The following STAG1 variants were observed in gnomAD, a reference collection of about 807,000 sequenced individuals.
The protein encoded by STAG1 is cohesin subunit SA-1.
Under a neutral mutation model 170.9 loss-of-function variants are expected in STAG1, and 26 were observed. The ratio of observed to expected loss-of-function variants is 0.15; its 90% CI spans 0.11 to 0.21. The LOEUF (loss-of-function observed/expected upper bound fraction) is 0.21, where lower values mean the gene tolerates loss of function less well. Ranked by LOEUF, STAG1 falls within the 10% of genes least tolerant of loss-of-function variation. The probability of loss-of-function intolerance (pLI) is 1.00; values close to 1 mark genes in which losing one functional copy is unlikely to be tolerated. For synonymous variants in STAG1, 514 were observed against 497.7 expected (o/e 1.03, Z -0.44); for missense variants, 964 against 1,509.5 (o/e 0.64, Z 5.99).
chr3:136,383,954 CAAAAA>C (rs71304276), intron 22 of STAG1, among the ~76,000 whole-genome samples: 1 of 58,986 alleles, frequency 1.7e-5, no homozygotes. Flanking sequence ...GACTCCGTCT[CAAAAA>C]AAAAAAAAAA....
At chr3:136,660,799 C>A (rs1302247786) in intron 1 of STAG1, among the ~76,000 whole-genome samples, 2 of 151,588 alleles carry the variant, frequency 1.3e-5, no homozygotes, top group African/African-American at 4.8e-5. Context: ...GAGACCCAAT[C>A]TCTAAAAAAA....
rs2107729895 is a variant in STAG1, at chr3:136,422,486, A to G, written c.1961T>C (p.Val654Ala). 2 of 1,613,936 alleles carry G rather than the reference A, an allele frequency of 1.2e-6. No homozygotes were observed. The change falls in exon 19 of 34, where the codon GTT becomes GCT. Residue 654 changes from valine (V) to alanine (A), a missense_variant. Physicochemically the swap from Val to Ala is moderately conservative, Grantham distance 64. This residue lies in a region of STAG1 where 232 missense variants were observed against 313.0 expected (regional missense o/e 0.74). Coordinates refer to ENST00000383202, the MANE Select transcript of STAG1 (RefSeq NM_005862.3). ...CSEEYTIQNR[V>A]DIARSQLIDE... is the part of the protein sequence containing the mutation. ...AATCAGCTGGCTTCGAGCTATGTCAACTCTGTTCTGGATGGTATATTCTTC... is the reference window on the plus strand; with the variant it reads ...AATCAGCTGGCTTCGAGCTATGTCAGCTCTGTTCTGGATGGTATATTCTTC...
intron 14 of STAG1, among the ~76,000 whole-genome samples, chr3:136,446,788 T>C (rs772134198): frequency 1.5e-4 from 23 of 151,680 alleles, no homozygotes; most frequent in Middle Eastern, 3.4e-3. Flanking sequence ...TAATCTATAC[T>C]GTACCTTAAT....
intron 9 of STAG1, among the ~76,000 whole-genome samples, chr3:136,487,876 G>A (rs1253680260): frequency 6.6e-6 from 1 of 152,178 alleles, no homozygotes; most frequent in African/African-American, 2.4e-5. Flanking sequence ...ACTCTCTGGG[G>A]AAAGCCACCG....
intron 12 of STAG1, among the ~76,000 whole-genome samples, chr3:136,470,197 C>A (rs2089587979): frequency 6.6e-6 from 1 of 152,140 alleles, no homozygotes; most frequent in African/African-American, 2.4e-5. Context: ...AGTGAACAGG[C>A]AACCTACAGA....
chr3:136,706,395 G>A (rs1559962836), intron 1 of STAG1, among the ~76,000 whole-genome samples: 1 of 152,110 alleles, frequency 6.6e-6, no homozygotes, highest in Non-Finnish European at 1.5e-5. Flanking sequence ...CAAAGTTGCA[G>A]GGTATAAGAT....
At chr3:136,751,294 G>A (rs1935221971) in intron 1 of STAG1, among the ~76,000 whole-genome samples, 1 of 151,732 alleles carries the variant, frequency 6.6e-6, no homozygotes, top group Admixed American at 6.6e-5. Flanking sequence ...AATGTGGGTA[G>A]ATGGGGGTGA....
intron 6 of STAG1, among the ~76,000 whole-genome samples, chr3:136,526,334 C>G (rs1288917373): frequency 6.6e-6 from 1 of 152,186 alleles, no homozygotes; most frequent in Non-Finnish European, 1.5e-5. Flanking sequence ...GACTTGATCC[C>G]TTTACCATTA....
At chr3:136,554,025 T>C (rs761579614) in intron 5 of STAG1, among the ~76,000 whole-genome samples, 3 of 151,414 alleles carry the variant, frequency 2.0e-5, no homozygotes, top group Admixed American at 6.6e-5. Context: ...TAAAAGATAC[T>C]GGAACAATAA....
Position 136,496,425 on chromosome 3 carries a change from A to G in STAG1, c.902+3798T>C, listed in dbSNP as rs72989425. Among the ~76,000 whole-genome samples, 1,214 of 152,346 alleles carry G rather than the reference A, an allele frequency of 8.0e-3. 12 individuals are homozygous for G. Among genetic ancestry groups the G allele is most frequent in the African/African-American group, 0.028 (1,158 of 41,578 alleles). ...GTCTCATACAAATCTCAATAAATTTAGAAGCATTCAAATCATACAAACTAT... is the reference window on the plus strand; with the variant it reads ...GTCTCATACAAATCTCAATAAATTTGGAAGCATTCAAATCATACAAACTAT... On this transcript the variant is annotated intron_variant, in intron 9 of 33. Transcript: ENST00000383202.
intron 23 of STAG1, among the ~76,000 whole-genome samples, chr3:136,370,055 ACT>A (rs1937241104): frequency 4.7e-4 from 1 of 2,134 alleles, no homozygotes; most frequent in Non-Finnish European, 2.0e-3. Context: ...TATTTACTAT[ACT>A]ATACTATACT....
intron 5 of STAG1, among the ~76,000 whole-genome samples, chr3:136,567,508 T>C (rs112809717): frequency 1.2e-3 from 177 of 152,318 alleles, no homozygotes; most frequent in African/African-American, 2.5e-3. Flanking sequence ...TCAGAGTTTA[T>C]TTTTTGTAGG....
At chr3:136,663,033 C>A (rs1364994312) in intron 1 of STAG1, among the ~76,000 whole-genome samples, 1 of 151,762 alleles carries the variant, frequency 6.6e-6, no homozygotes, top group African/African-American at 2.4e-5. Context: ...GTCTGGGCAG[C>A]AGAGTGAGAC....
intron 7 of STAG1, among the ~76,000 whole-genome samples, chr3:136,505,963 G>C (rs905873541): frequency 4.6e-5 from 7 of 152,202 alleles, no homozygotes; most frequent in African/African-American, 7.2e-5. Flanking sequence ...CACAGAGGTA[G>C]TCAGAGGCAG....
In STAG1 at chr3:136,626,797, G is replaced by A. The variant is rs192247776; in HGVS notation, c.30-3549C>T. Among the ~76,000 whole-genome samples the A allele has an allele frequency of 2.6e-5, 4 of 152,246 alleles. No homozygotes were observed. In the East Asian group the frequency reaches 7.7e-4, roughly 29 times the overall value. On this transcript the variant is annotated intron_variant, in intron 2 of 33. Coordinates refer to ENST00000383202, the MANE Select transcript of STAG1 (RefSeq NM_005862.3). The stretch of plus-strand genomic sequence containing the variant: ...CTTGTAAGAAGCATGTTATCTTCCT[G>A]ATTTTATGAATGAGGAAATGAAAGA...
At chr3:136,370,714 T>A (rs969525823) in intron 23 of STAG1, among the ~76,000 whole-genome samples, 1 of 152,268 alleles carries the variant, frequency 6.6e-6, no homozygotes, top group East Asian at 1.9e-4. Flanking sequence ...GGCTGCATAG[T>A]ATTCCATGGT....
At chr3:136,503,742 ATTTTT>A (rs566628433) in intron 7 of STAG1, among the ~76,000 whole-genome samples, 1 of 149,534 alleles carries the variant, frequency 6.7e-6, no homozygotes, top group Non-Finnish European at 1.5e-5. Flanking sequence ...CATTATTTTT[ATTTTT>A]TTTTTGAGTT....
chr3:136,497,186 A>C (rs1308570321), intron 9 of STAG1, among the ~76,000 whole-genome samples: 1 of 152,204 alleles, frequency 6.6e-6, no homozygotes, highest in East Asian at 1.9e-4. Flanking sequence ...AGTTCTATCA[A>C]ACTCACCGAG....
At chr3:136,588,409 C>T (rs1201933899) in intron 4 of STAG1, among the ~76,000 whole-genome samples, 1 of 152,140 alleles carries the variant, frequency 6.6e-6, no homozygotes, top group Non-Finnish European at 1.5e-5. Context: ...GGCTCGATCT[C>T]GGCTCACTGC....
Sources: allele counts gnomAD v4.1 joint callset (sites outside exome capture counted in the v4.1 genomes callset), GRCh38; gene constraint gnomAD v4.1.1; regional missense constraint gnomAD v4.1.1; transcripts MANE v1.5; gene names NCBI Gene and HGNC (gene_info 2026-07-23, HGNC 2026-07-21).